The following CCDC172 variants were observed in gnomAD, a reference collection of about 807,000 sequenced individuals.
The protein encoded by CCDC172 is coiled-coil domain-containing protein 172.
In CCDC172, 30 loss-of-function variants were observed where a neutral mutation model predicts 38.0. The observed-to-expected ratio is 0.79, with a 90% confidence interval of 0.59 to 1.07. The LOEUF (loss-of-function observed/expected upper bound fraction) is 1.07. Ranked by LOEUF, CCDC172 falls within the 50% of genes least tolerant of loss-of-function variation. The pLI, the probability that CCDC172 is intolerant of heterozygous loss-of-function variation, is 0.00. For missense variants in CCDC172, 297 were observed against 290.1 expected, an observed-to-expected ratio of 1.02 and a Z score of -0.17; for synonymous variants, 78 against 88.3, an observed-to-expected ratio of 0.88 and a Z score of 0.66.
chr10:116,378,889 C>T (rs1240213165), intron 8 of CCDC172, among the ~76,000 whole-genome samples: 3 of 152,048 alleles, frequency 2.0e-5, no homozygotes, highest in Admixed American at 1.3e-4. Context: ...ATAAATTATA[C>T]TTTTATTATA....
rs759456413 is a variant in CCDC172 at position 116,342,044 on chromosome 10, A to T, written c.291A>T (p.Ile97=). The stretch of plus-strand genomic sequence containing the variant: ...TTATTTATGTTTTTCAGGAGGCTAT[A>T]AAGAAACAAATGATAGAGGAGGAAG... The part of the protein sequence containing the change: ...RNMLLQTFEA[I]KKQMIEEEDK... Residue 97 remains isoleucine, a synonymous_variant, in exon 5 of 9, where the codon ATA becomes ATT. Transcript: ENST00000333254. The T allele has an allele frequency of 4.0e-6, 6 of 1,502,490 alleles. No homozygotes were observed. Among genetic ancestry groups the T allele is most frequent in the Non-Finnish European group, 5.4e-6 (6 of 1,120,712 alleles). 93.1% of individuals were successfully genotyped at this position (1,502,490 alleles called of 1,614,324 possible).
chr10:116,341,139 G>A (rs1460100281), intron 4 of CCDC172, among the ~76,000 whole-genome samples: 10 of 152,102 alleles, frequency 6.6e-5, no homozygotes, highest in Non-Finnish European at 8.8e-5. Context: ...GGATAAAATC[G>A]TTTTGAAAGG....
intron 5 of CCDC172, among the ~76,000 whole-genome samples, chr10:116,350,728 T>C (rs1844921353): frequency 6.6e-6 from 1 of 152,148 alleles, no homozygotes; most frequent in African/African-American, 2.4e-5. Flanking sequence ...GCAATGTACA[T>C]ATGAGGAAGA....
At chr10:116,338,440 A>C (rs1844756304) in intron 3 of CCDC172, among the ~76,000 whole-genome samples, 1 of 152,148 alleles carries the variant, frequency 6.6e-6, no homozygotes, top group African/African-American at 2.4e-5. Flanking sequence ...GAGGAGATAA[A>C]CTAATAATAA....
In CCDC172 at chr10:116,342,089, T is replaced by C; in HGVS notation, c.336T>C (p.Ile112=). Residue 112 remains isoleucine (I), a synonymous_variant, in exon 5 of 9, where the codon ATT becomes ATC. Transcript: ENST00000333254. Reference sequence around the variant, plus strand: ...AGGAAGACAAATTTATTAAGGAAATTACAGACTTTAATAATGATTATGAAA... The same window carrying C: ...AGGAAGACAAATTTATTAAGGAAATCACAGACTTTAATAATGATTATGAAA... ...IEEEDKFIKE[I]TDFNNDYEIT... is the part of the protein sequence containing the mutation. 6.5e-7 allele frequency: 1 copy of C among 1,543,868 alleles called. No homozygotes were observed. The highest frequency in any genetic ancestry group is 1.2e-5 in the South Asian group (1 of 81,118).
intron 3 of CCDC172, among the ~76,000 whole-genome samples, chr10:116,328,597 G>T (rs1844619545): frequency 6.6e-6 from 1 of 152,006 alleles, no homozygotes; most frequent in Non-Finnish European, 1.5e-5. Flanking sequence ...AGGCTATTTT[G>T]TGAATATTTT....
intron 3 of CCDC172, among the ~76,000 whole-genome samples, chr10:116,326,126 G>A (rs1300562932): frequency 6.6e-6 from 1 of 152,196 alleles, no homozygotes; most frequent in Non-Finnish European, 1.5e-5. Context: ...GGTTTAGGTA[G>A]CCTAGTATGG....
At chr10:116,366,706 GC>G (rs1422437528) in intron 7 of CCDC172, among the ~76,000 whole-genome samples, 3 of 152,180 alleles carry the variant, frequency 2.0e-5, no homozygotes, top group Non-Finnish European at 4.4e-5. Context: ...TGAGTGTGGG[GC>G]ATGCGAATGT....
intron 7 of CCDC172, among the ~76,000 whole-genome samples, chr10:116,376,769 C>T (rs1272386158): frequency 6.6e-6 from 1 of 152,082 alleles, no homozygotes; most frequent in Admixed American, 6.6e-5. Flanking sequence ...GCAATTGATA[C>T]TCAATAGTTA....
chr10:116,379,875 T>C lies in CCDC172; in HGVS notation c.*517T>C, dbSNP rs1845291323. 6.6e-6 allele frequency: 1 copy of C among 152,356 alleles called. No individual in the cohort carries two copies. The highest frequency in any genetic ancestry group is 6.5e-5 in the Admixed American group (1 of 15,272). 9.4% of individuals were successfully genotyped at this position (152,356 alleles called of 1,614,324 possible). A position where few individuals can be genotyped will look rare whatever the true frequency, so the allele number is the denominator to read the frequency against. On this transcript the variant is annotated 3_prime_UTR_variant, in exon 9 of 9. Transcript: ENST00000333254. ...ACTAGTGTATAGCACTTCTCCACTT[T>C]GCTCCTGCTGCCACCGTATGAGATG...
At chr10:116,326,290 G>A (rs1424390547) in intron 3 of CCDC172, among the ~76,000 whole-genome samples, 2 of 152,146 alleles carry the variant, frequency 1.3e-5, no homozygotes, top group Non-Finnish European at 2.9e-5. Context: ...GGGAAGATGG[G>A]AATAGACTAT....
intron 7 of CCDC172, among the ~76,000 whole-genome samples, chr10:116,374,613 T>C (rs541206362): frequency 2.6e-5 from 4 of 151,696 alleles, no homozygotes; most frequent in Non-Finnish European, 5.9e-5. Context: ...ATAGTAAGTA[T>C]AAGTAATAAG....
rs1283583282 is a variant in CCDC172 at position 116,379,907 on chromosome 10, T to G, written c.*549T>G. 6.6e-6 allele frequency: 1 copy of G among 152,426 alleles called. No individual in the cohort carries two copies. Among genetic ancestry groups the G allele is most frequent in the African/African-American group, 2.4e-5 (1 of 41,412 alleles). 9.4% of individuals were successfully genotyped at this position (152,426 alleles called of 1,614,324 possible). Reference sequence around the variant, plus strand: ...GCTGCCACCGTATGAGATGTCTCACTCCCCCTTTGCCTTCAGTCATGATTG... The same window carrying G: ...GCTGCCACCGTATGAGATGTCTCACGCCCCCTTTGCCTTCAGTCATGATTG... On this transcript the variant is annotated 3_prime_UTR_variant, in exon 9 of 9. Coordinates refer to ENST00000333254, the MANE Select transcript of CCDC172 (RefSeq NM_198515.3).
intron 7 of CCDC172, among the ~76,000 whole-genome samples, chr10:116,372,344 T>A (rs1400894493): frequency 6.6e-6 from 1 of 152,092 alleles, no homozygotes; most frequent in Non-Finnish European, 1.5e-5. Flanking sequence ...ATAGAGAAAA[T>A]TTACCTTTTA....
rs1377341355 is a variant in CCDC172 at position 116,324,610 on chromosome 10, C to G, written c.-69C>G. On this transcript the variant is annotated 5_prime_UTR_variant, in exon 1 of 9. Coordinates refer to ENST00000333254, the MANE Select transcript of CCDC172 (RefSeq NM_198515.3). Reference sequence around the variant, plus strand: ...CTGCTGCCCAGACGCCCTCAAAAGCCAAGGTCTTGGCAGCCTTTTTATTTG... The same window carrying G: ...CTGCTGCCCAGACGCCCTCAAAAGCGAAGGTCTTGGCAGCCTTTTTATTTG... 5.8e-6 allele frequency: 1 copy of G among 172,172 alleles called. No individual in the cohort carries two copies. Among genetic ancestry groups the G allele is most frequent in the African/African-American group, 2.4e-5 (1 of 42,024 alleles). The allele number at this position is 172,172 out of a possible 1,614,324, so 10.7% of individuals were successfully genotyped here.
intron 3 of CCDC172, among the ~76,000 whole-genome samples, chr10:116,330,533 G>A (rs1031083569): frequency 6.6e-6 from 1 of 152,092 alleles, no homozygotes; most frequent in Non-Finnish European, 1.5e-5. Flanking sequence ...TCATTGAAAC[G>A]GCTTCAGATT....
chr10:116,341,113 C>T (rs1051784454), intron 4 of CCDC172, among the ~76,000 whole-genome samples: 2 of 151,898 alleles, frequency 1.3e-5, no homozygotes, highest in Non-Finnish European at 2.9e-5. Flanking sequence ...TTGAATTGCT[C>T]AAGCATTGAG....
chr10:116,365,180 G>C (rs926180718), intron 7 of CCDC172, among the ~76,000 whole-genome samples: 4 of 152,122 alleles, frequency 2.6e-5, no homozygotes, highest in Non-Finnish European at 4.4e-5. Flanking sequence ...ATTATCATCT[G>C]GCCTCTTTTG....
intron 4 of CCDC172, 97 bp from the exon 5 acceptor site, chr10:116,341,939 C>A: frequency 4.7e-6 from 4 of 854,378 alleles, no homozygotes; most frequent in Non-Finnish European, 6.2e-6. Flanking sequence ...TATATACTTT[C>A]ATTGTTAATA....
Sources: gnomAD v4.1 joint callset for allele counts (sites outside exome capture counted in the v4.1 genomes callset) on GRCh38, gnomAD v4.1.1 for gene constraint, MANE v1.5 for transcripts, NCBI Gene and HGNC (gene_info 2026-07-23, HGNC 2026-07-21) for gene names.